Variants in SGTB observed in about 807,000 individuals in gnomAD.
SGTB encodes the protein small glutamine rich tetratricopeptide repeat co-chaperone beta.
In SGTB, 19 loss-of-function variants were observed where a neutral mutation model predicts 43.9. The ratio of observed to expected loss-of-function variants is 0.43; its 90% CI spans 0.30 to 0.63. SGTB has a LOEUF of 0.63. Among genes scored for constraint, SGTB ranks in the 30% least tolerant of loss-of-function variants. The pLI, the probability that SGTB is intolerant of heterozygous loss-of-function variation, is 0.12. For missense variants in SGTB, 304 were observed against 358.9 expected (o/e 0.85, Z 1.24); for synonymous variants, 116 against 117.3 (o/e 0.99, Z 0.07).
intron 3 of SGTB, among the ~76,000 whole-genome samples, chr5:65,711,157 T>G (rs558860139): frequency 6.6e-6 from 1 of 151,888 alleles, no homozygotes; most frequent in South Asian, 2.1e-4. Context: ...AGGGCGAGAC[T>G]CCATCTCAAA....
At chr5:65,701,019 A>AG in intron 5 of SGTB, among the ~76,000 whole-genome samples, 1 of 150,748 alleles carries the variant, frequency 6.6e-6, no homozygotes, top group South Asian at 2.1e-4. Flanking sequence ...CAAAAAAAAA[A>AG]AAAAAAAAAA....
chr5:65,682,554 T>C (rs1185652803), intron 6 of SGTB, among the ~76,000 whole-genome samples: 1 of 152,098 alleles, frequency 6.6e-6, no homozygotes, highest in African/African-American at 2.4e-5. Context: ...ATACAGAAAC[T>C]AGAATTGACA....
At chr5:65,705,178 T>C (rs55798978) in intron 4 of SGTB, among the ~76,000 whole-genome samples, 8,744 of 152,214 alleles carry the variant, frequency 0.057, 818 homozygotes, top group African/African-American at 0.2. Flanking sequence ...CGTGGTGGCT[T>C]ATGCCTGTAA....
chr5:65,717,442 T>C (rs1410477156), intron 2 of SGTB, among the ~76,000 whole-genome samples: 1 of 151,516 alleles, frequency 6.6e-6, no homozygotes, highest in African/African-American at 2.4e-5. Context: ...TAAAGTGATA[T>C]CCTGGAGTAG....
intron 5 of SGTB, among the ~76,000 whole-genome samples, chr5:65,692,454 G>A (rs376782791): frequency 3.1e-4 from 47 of 152,200 alleles, no homozygotes; most frequent in African/African-American, 1.1e-3. Context: ...CTAACACAAT[G>A]CAATAAGTGG....
rs191582933 is a variant in SGTB, at chr5:65,702,358, A to T, written c.374+1921T>A. Among the ~76,000 whole-genome samples, 6 of 152,354 alleles carry T rather than the reference A, an allele frequency of 3.9e-5. No homozygotes were observed. The East Asian group carries it at 5.8e-4, about 15-fold the overall frequency. ...AATATACACCATGATGTTAAAAAAT[A>T]AAATTAAATTAAAAAGCAGAAAGAA... On this transcript the variant is annotated intron_variant, in intron 5 of 10. Transcript: ENST00000381007.
chr5:65,691,676 C>T (rs953537107), intron 5 of SGTB, among the ~76,000 whole-genome samples: 13 of 150,804 alleles, frequency 8.6e-5, no homozygotes, highest in African/African-American at 3.2e-4. Flanking sequence ...CGCAGTGCCT[C>T]ACGCCTGTAA....
intron 5 of SGTB, among the ~76,000 whole-genome samples, chr5:65,691,062 G>C (rs896441914): frequency 2.6e-4 from 40 of 152,174 alleles, no homozygotes; most frequent in Non-Finnish European, 1.2e-4. Flanking sequence ...AATGAGTAAA[G>C]CTACTGGTGG....
chr5:65,719,280 A>C (rs1174557538), intron 2 of SGTB, among the ~76,000 whole-genome samples: 1 of 151,970 alleles, frequency 6.6e-6, no homozygotes, highest in Admixed American at 6.6e-5. Context: ...TTCCAAATGC[A>C]CTCTCACTGC....
At chr5:65,703,356 T>G (rs539090282) in intron 5 of SGTB, among the ~76,000 whole-genome samples, 2 of 152,284 alleles carry the variant, frequency 1.3e-5, no homozygotes, top group South Asian at 4.1e-4. Flanking sequence ...TATGAAAGAC[T>G]GCAATAAAAT....
intron 7 of SGTB, 45 bp from the exon 8 acceptor site, chr5:65,680,601 A>T (rs1257642689): frequency 6.2e-7 from 1 of 1,613,180 alleles, no homozygotes; most frequent in African/African-American, 1.3e-5. Flanking sequence ...ATCTACAATT[A>T]CAATAAATTG....
intron 1 of SGTB, among the ~76,000 whole-genome samples, chr5:65,721,325 G>C (rs3806827): frequency 0.3 from 45,402 of 152,202 alleles, 7,025 homozygotes; most frequent in South Asian, 0.44. Flanking sequence ...GGTTATTCAA[G>C]TGGTGAGTGT....
chr5:65,722,374 A>T, upstream of SGTB: 2 of 1,582,832 alleles, frequency 1.3e-6, no homozygotes, highest in Non-Finnish European at 1.7e-6. Context: ...CAGCGCTCCC[A>T]TGATCGCCCG....
At chr5:65,712,599 C>T (rs1015428246) in intron 3 of SGTB, among the ~76,000 whole-genome samples, 2 of 152,132 alleles carry the variant, frequency 1.3e-5, no homozygotes, top group Admixed American at 6.5e-5. Flanking sequence ...ACTTTTTAAA[C>T]CTGTATTCCA....
intron 7 of SGTB, 27 bp downstream of exon 7, chr5:65,680,629 T>G (rs1561152927): frequency 6.2e-7 from 1 of 1,613,888 alleles, no homozygotes; most frequent in Non-Finnish European, 8.5e-7. Flanking sequence ...CAGAAAATAC[T>G]TCACTCATTT....
chr5:65,712,187 C>T (rs1758056525), intron 3 of SGTB, among the ~76,000 whole-genome samples: 1 of 152,180 alleles, frequency 6.6e-6, no homozygotes, highest in Non-Finnish European at 1.5e-5. Flanking sequence ...GAATTGAGGA[C>T]TGCTTGAGCC....
At chr5:65,685,958 A>T (rs1015719005) in intron 5 of SGTB, among the ~76,000 whole-genome samples, 3 of 152,128 alleles carry the variant, frequency 2.0e-5, no homozygotes, top group Non-Finnish European at 4.4e-5. Context: ...ACTGTATTTT[A>T]TTTCTTTCAG....
In SGTB at chr5:65,669,516, ATAT is replaced by A; in HGVS notation, c.*727_*729del. ...GTATTTAGCATAAGTGGCCATGCTAATATTATCAATACCAAACTGCAGACAAGA... is the reference window on the plus strand; with the variant it reads ...GTATTTAGCATAAGTGGCCATGCTAATATCAATACCAAACTGCAGACAAGA... On this transcript the variant is annotated 3_prime_UTR_variant, in exon 11 of 11. Coordinates refer to ENST00000381007, the MANE Select transcript of SGTB (RefSeq NM_019072.3). 1 of 152,348 alleles carries A rather than the reference ATAT, an allele frequency of 6.6e-6. No homozygotes were observed. The highest frequency in any genetic ancestry group is 1.9e-4 in the East Asian group (1 of 5,186). 9.4% of individuals were successfully genotyped at this position (152,348 alleles called of 1,614,324 possible).
intron 2 of SGTB, among the ~76,000 whole-genome samples, chr5:65,716,465 A>G (rs1375242704): frequency 3.9e-5 from 6 of 152,262 alleles, no homozygotes; most frequent in South Asian, 4.1e-4. Flanking sequence ...ACACTAAAAC[A>G]GTCAAGAAAT....
Sources: gnomAD v4.1 joint callset for allele counts (sites outside exome capture counted in the v4.1 genomes callset) on GRCh38, gnomAD v4.1.1 for gene constraint, MANE v1.5 for transcripts, NCBI Gene and HGNC (gene_info 2026-07-23, HGNC 2026-07-21) for gene names.